Variants in PIGP observed in about 807,000 individuals in gnomAD.
The protein encoded by PIGP is phosphatidylinositol N-acetylglucosaminyltransferase subunit P.
In PIGP, 12 loss-of-function variants were observed where a neutral mutation model predicts 16.9. The observed-to-expected ratio is 0.71, with a 90% CI of 0.46 to 1.15. The LOEUF (loss-of-function observed/expected upper bound fraction) is 1.15, where lower values mean the gene tolerates loss of function less well. PIGP is among the 50% of genes most tolerant of loss of function. PIGP has a pLI of 0.00. For missense variants in PIGP, 159 were observed against 153.5 expected, an observed-to-expected ratio of 1.04 and a Z score of -0.19; for synonymous variants, 57 against 54.7, an observed-to-expected ratio of 1.04 and a Z score of -0.18.
intron 1 of PIGP, 88 bp from the exon 2 acceptor site, chr21:37,072,625 G>A (rs1403523420): frequency 1.3e-6 from 2 of 1,598,418 alleles, no homozygotes; most frequent in East Asian, 2.2e-5. Context: ...CGCGGGTACG[G>A]CCCCCGCCGC....
intron 1 of PIGP, 40 bp from the exon 2 acceptor site, chr21:37,072,577 C>T: frequency 6.2e-7 from 1 of 1,614,160 alleles, no homozygotes; most frequent in Non-Finnish European, 8.5e-7. Flanking sequence ...CGATGTGCTC[C>T]GTGGCACCAT....
intron 2 of PIGP, among the ~76,000 whole-genome samples, chr21:37,071,190 T>C (rs2069999772): frequency 6.6e-6 from 1 of 152,238 alleles, no homozygotes; most frequent in Non-Finnish European, 1.5e-5. Flanking sequence ...AGTCCCTAAC[T>C]GTTCCTAGGC....
intron 4 of PIGP, 40 bp from the exon 5 acceptor site, chr21:37,065,752 T>G: frequency 6.3e-7 from 1 of 1,597,686 alleles, no homozygotes; most frequent in Non-Finnish European, 8.6e-7. Flanking sequence ...ACCTAAGCAA[T>G]TTCTTCTACA....
chr21:37,069,675 CATCTA>C (rs779600530), intron 2 of PIGP, 51 bp from the exon 3 acceptor site: 745 of 1,154,564 alleles, frequency 6.5e-4, no homozygotes, highest in Non-Finnish European at 6.4e-4. Context: ...GTAAGACATA[CATCTA>C]ATCTATCAAT....
chr21:37,072,107 C>A, intron 2 of PIGP: 2 of 881,904 alleles, frequency 2.3e-6, no homozygotes, highest in Non-Finnish European at 3.9e-6. Context: ...ACCGTGCTCC[C>A]TGACACTCAT....
Position 37,066,785 on chromosome 21 carries a change from A to C in PIGP, c.274+477T>G, listed in dbSNP as rs1194449991. 4.6e-5 allele frequency among the ~76,000 whole-genome samples: 7 copies of C among 152,334 alleles called. No homozygotes were observed. The East Asian group carries it at 9.6e-4, about 21-fold the overall frequency. On this transcript the variant is annotated intron_variant, in intron 4 of 4. Transcript: ENST00000360525. ...AAGTTAATGGGAACATATTATAGACACATATAGCATATACTTGTGGTTTTT... is the reference window on the plus strand; with the variant it reads ...AAGTTAATGGGAACATATTATAGACCCATATAGCATATACTTGTGGTTTTT...
chr21:37,071,043 G>A (rs1172576524), intron 2 of PIGP, among the ~76,000 whole-genome samples: 1 of 152,230 alleles, frequency 6.6e-6, no homozygotes, highest in African/African-American at 2.4e-5. Context: ...TTACAGGCGT[G>A]AGCCACCAGG....
Position 37,066,971 on chromosome 21 carries a change from CGTGTGTGTGTGTGTGTGTGTGTGT to C in PIGP, c.274+267_274+290del, listed in dbSNP as rs56940945. On this transcript the variant is annotated intron_variant, in intron 4 of 4. Coordinates refer to ENST00000360525, the MANE Select transcript of PIGP (RefSeq NM_153682.3). ...CTCTTAGTAGCTTCTTTTTACTGTC[CGTGTGTGTGTGTGTGTGTGTGTGT>C]GTGTGTGTGTGTGTGTGTGTTTTCT... Among the ~76,000 whole-genome samples, 344 of 143,850 alleles carry C rather than the reference CGTGTGTGTGTGTGTGTGTGTGTGT, an allele frequency of 2.4e-3. 1 individual carries two copies. Among genetic ancestry groups the C allele is most frequent in the African/African-American group, 7.8e-3 (301 of 38,706 alleles). 94.4% of individuals were successfully genotyped at this position (143,850 alleles called of 152,430 possible).
chr21:37,069,379 A>G (rs748606942), intron 3 of PIGP, 173 bp downstream of exon 3: 5 of 424,960 alleles, frequency 1.2e-5, no homozygotes, highest in Non-Finnish European at 2.2e-5. Context: ...TCATGCTACC[A>G]TCTTTAATTA....
At chr21:37,069,656 G>T (rs2069966853) in intron 2 of PIGP, 32 bp from the exon 3 acceptor site, 3 of 1,421,756 alleles carry the variant, frequency 2.1e-6, no homozygotes, top group African/African-American at 2.9e-5. Context: ...AAAAGAGGAA[G>T]AGAAGTCAGT....
At chr21:37,069,743 C>T in intron 2 of PIGP, 119 bp from the exon 3 acceptor site, 1 of 598,964 alleles carries the variant, frequency 1.7e-6, no homozygotes. Flanking sequence ...CCCTGATTAA[C>T]TCAGAAATGA....
At chr21:37,072,126 GC>G in intron 2 of PIGP, 3 of 944,932 alleles carry the variant, frequency 3.2e-6, no homozygotes, top group Non-Finnish European at 5.3e-6. Flanking sequence ...ATCACACTGA[GC>G]ATTAACTGTA....
intron 4 of PIGP, 33 bp from the exon 5 acceptor site, chr21:37,065,745 T>G (rs561463599): frequency 1.2e-5 from 20 of 1,604,004 alleles, no homozygotes; most frequent in Middle Eastern, 3.3e-4. Flanking sequence ...TCTGTTTACC[T>G]AAGCAATTTC....
In PIGP at chr21:37,067,292, A is replaced by C; in HGVS notation, c.244T>G (p.Ser82Ala). The C allele has an allele frequency of 6.9e-6, 11 of 1,603,466 alleles. No homozygotes were observed. The highest frequency in any genetic ancestry group is 9.4e-6 in the Non-Finnish European group (11 of 1,170,288). Residue 82 changes from serine (S) to alanine (A), a missense_variant, in exon 4 of 5, where the codon TCT becomes GCT. Ser to Ala is a moderately conservative substitution (Grantham distance 99, BLOSUM62 1). Coordinates refer to ENST00000360525, the MANE Select transcript of PIGP (RefSeq NM_153682.3). ...LLFGINMMST[S>A]PLDSIHTITD... ...ATTGTATGGATGGAGTCGAGTGGAG[A>C]GGTACTCATCATGTTAATCCCAAAC...
At position 37,072,527 on chromosome 21, in the gene PIGP, C is replaced by T. The variant is rs1052989408; in HGVS notation, c.-12G>A. On this transcript the variant is annotated 5_prime_UTR_variant, in exon 2 of 5. Coordinates refer to ENST00000360525, the MANE Select transcript of PIGP (RefSeq NM_153682.3). ...GAATTTTCCACCATTTTTCCTGGGG[C>T]TTTAGACAATCTGTGGAAAAGGAAC... is the stretch of plus-strand genomic sequence containing the variant. The T allele has an allele frequency of 1.2e-5, 19 of 1,614,132 alleles. No individual in the cohort carries two copies. The African/African-American group carries it at 2.4e-4, about 20-fold the overall frequency.
chr21:37,069,932 C>T (rs1345025802), intron 2 of PIGP, among the ~76,000 whole-genome samples: 1 of 152,026 alleles, frequency 6.6e-6, no homozygotes, highest in Non-Finnish European at 1.5e-5. Context: ...GCTTTAGGTA[C>T]AGTAAGTGTT....
chr21:37,068,034 C>G (rs1315114975), intron 3 of PIGP, among the ~76,000 whole-genome samples: 3 of 149,614 alleles, frequency 2.0e-5, no homozygotes, highest in Admixed American at 2.0e-4. Flanking sequence ...TTTGAGAAAG[C>G]ATTTCCCTCT....
At chr21:37,070,769 ATTTAAT>A (rs2069990860) in intron 2 of PIGP, among the ~76,000 whole-genome samples, 1 of 152,234 alleles carries the variant, frequency 6.6e-6, no homozygotes, top group South Asian at 2.1e-4. Flanking sequence ...GTATGATGGA[ATTTAAT>A]TTTGTTTTGA....
chr21:37,072,095 C>T lies in PIGP; in HGVS notation c.82+339G>A, dbSNP rs1277035984. The T allele has an allele frequency of 9.5e-6, 8 of 841,268 alleles. 1 individual carries two copies. Among genetic ancestry groups the T allele is most frequent in the South Asian group, 9.2e-5 (7 of 75,778 alleles). The allele number at this position is 841,268 out of a possible 1,614,324, so 52.1% of individuals were successfully genotyped here. A position where few individuals can be genotyped will look rare whatever the true frequency, so the allele number is the denominator to read the frequency against. On this transcript the variant is annotated intron_variant, in intron 2 of 4. Coordinates refer to ENST00000360525, the MANE Select transcript of PIGP (RefSeq NM_153682.3). The stretch of plus-strand genomic sequence containing the variant: ...TTTCCAGTCTGGTTTCAATGTCTCT[C>T]CACCGTGCTCCCTGACACTCATCAC...
Sources: gnomAD v4.1 joint callset for allele counts (sites outside exome capture counted in the v4.1 genomes callset) on GRCh38, gnomAD v4.1.1 for gene constraint, MANE v1.5 for transcripts, NCBI Gene and HGNC (gene_info 2026-07-23, HGNC 2026-07-21) for gene names.